Variants in WIPF1 observed in about 807,000 individuals in gnomAD.
WIPF1 encodes the protein WAS/WASL interacting protein family member 1.
A neutral mutation model predicts 35.4 loss-of-function variants in WIPF1; 13 were observed. The observed-to-expected ratio is 0.37, with a 90% confidence interval of 0.24 to 0.58. WIPF1 has a LOEUF of 0.58. Among genes scored for constraint, WIPF1 ranks in the 20% least tolerant of loss-of-function variants. The probability of loss-of-function intolerance (pLI) is 0.74; values close to 1 mark genes in which losing one functional copy is unlikely to be tolerated. For missense variants in WIPF1, 591 were observed against 667.0 expected, an observed-to-expected ratio of 0.89 and a Z score of 1.25; for synonymous variants, 267 against 266.3, an observed-to-expected ratio of 1.00 and a Z score of -0.02.
In WIPF1 at chr2:174,562,261, G is replaced by C; in HGVS notation, c.*286C>G. The C allele has an allele frequency of 6.5e-7, 1 of 1,538,006 alleles. No individual in the cohort carries two copies. The highest frequency in any genetic ancestry group is 8.8e-7 in the Non-Finnish European group (1 of 1,138,918). On this transcript the variant is annotated 3_prime_UTR_variant, in exon 8 of 8. Transcript: ENST00000679041. ...TTGAATTTGGTTGGTGGAAAGCTGG[G>C]ATGCAAGTCATCTCTGCCTATTACG...
rs992378511 is a variant in WIPF1, at chr2:174,571,402, G to T, written c.1129+274C>A. On this transcript the variant is annotated intron_variant, in intron 5 of 7. Coordinates refer to ENST00000679041, the MANE Select transcript of WIPF1 (RefSeq NM_001375834.1). This position sits in a 1 kb window ranked among gnomAD's most constrained non-coding sequence, Gnocchi z 4.6. ...TACACTTCAGAGATGGAAGATGAAA[G>T]TTCTTGCCTCTTCTTTATTAACTAG... 3.1e-5 allele frequency: 19 copies of T among 610,380 alleles called. No homozygotes were observed. Among genetic ancestry groups the T allele is most frequent in the Non-Finnish European group, 3.8e-5 (13 of 344,208 alleles). The allele number at this position is 610,380 out of a possible 1,614,324, so 37.8% of individuals were successfully genotyped here.
rs562836728 is a variant in WIPF1 at position 174,590,128 on chromosome 2, C to T, written c.-38-4517G>A. Among the ~76,000 whole-genome samples, 36 of 152,084 alleles carry T rather than the reference C, an allele frequency of 2.4e-4. No homozygotes were observed. Among genetic ancestry groups the T allele is most frequent in the African/African-American group, 8.4e-4 (35 of 41,472 alleles). Reference sequence around the variant, plus strand: ...AAAAAAAGGAGTCCTTTGGGCTTTACCAGTGGGTTTATAGAATGAAAAAGG... The same window carrying T: ...AAAAAAAGGAGTCCTTTGGGCTTTATCAGTGGGTTTATAGAATGAAAAAGG... On this transcript the variant is annotated intron_variant, in intron 1 of 7. Transcript: ENST00000679041. This position sits in a 1 kb window ranked among gnomAD's most constrained non-coding sequence, Gnocchi z 4.6.
chr2:174,613,989 G>C (rs568743405), intron 1 of WIPF1, among the ~76,000 whole-genome samples: 1 of 152,182 alleles, frequency 6.6e-6, no homozygotes, highest in East Asian at 1.9e-4. Context: ...ATTTAAAAAA[G>C]CTGCACTGAT....
rs1684828795 is a variant in WIPF1, at chr2:174,571,403, T to A, written c.1129+273A>T. The stretch of plus-strand genomic sequence containing the variant: ...ACACTTCAGAGATGGAAGATGAAAG[T>A]TCTTGCCTCTTCTTTATTAACTAGC... On this transcript the variant is annotated intron_variant, in intron 5 of 7. Transcript: ENST00000679041. This position sits in a 1 kb window ranked among gnomAD's most constrained non-coding sequence, Gnocchi z 4.6. 3.3e-6 allele frequency: 2 copies of A among 609,088 alleles called. No individual in the cohort carries two copies. The highest frequency in any genetic ancestry group is 5.8e-6 in the Non-Finnish European group (2 of 343,406). The allele number at this position is 609,088 out of a possible 1,614,324, so 37.7% of individuals were successfully genotyped here.
intron 1 of WIPF1, among the ~76,000 whole-genome samples, chr2:174,618,135 A>C (rs2105910511): frequency 6.6e-6 from 1 of 152,302 alleles, no homozygotes; most frequent in African/African-American, 2.4e-5. Context: ...AAAATCCCAT[A>C]ATTAAAAGAC....
intron 1 of WIPF1, among the ~76,000 whole-genome samples, chr2:174,594,281 T>C (rs901530470): frequency 1.3e-5 from 2 of 152,220 alleles, no homozygotes; most frequent in African/African-American, 4.8e-5. Context: ...AGAAGACATT[T>C]TGAAGCATCT....
intron 1 of WIPF1, chr2:174,629,778 T>A (rs759751676): frequency 3.3e-5 from 5 of 152,256 alleles, no homozygotes; most frequent in Non-Finnish European, 7.3e-5. Flanking sequence ...GAGCAGCCCC[T>A]CTATTGGCCC....
intron 1 of WIPF1, among the ~76,000 whole-genome samples, chr2:174,643,463 A>G (rs1048064987): frequency 1.3e-5 from 2 of 148,968 alleles, no homozygotes; most frequent in East Asian, 3.9e-4. Flanking sequence ...CCTAAGGTGG[A>G]GTGCAGTGGT....
chr2:174,681,800 C>T (rs952053759), intron 1 of WIPF1, among the ~76,000 whole-genome samples: 1 of 152,182 alleles, frequency 6.6e-6, no homozygotes, highest in Non-Finnish European at 1.5e-5. Context: ...TCCCAGAGAA[C>T]TCAATAAGGC....
chr2:174,578,580 AC>A (rs1685137966), intron 3 of WIPF1, among the ~76,000 whole-genome samples: 1 of 152,210 alleles, frequency 6.6e-6, no homozygotes, highest in African/African-American at 2.4e-5. Context: ...TAACTTTATT[AC>A]ACTACTTTAA....
At chr2:174,682,083 C>G (rs569985985) in intron 1 of WIPF1, among the ~76,000 whole-genome samples, 1 of 152,210 alleles carries the variant, frequency 6.6e-6, no homozygotes. Context: ...GGACGCGAGA[C>G]TGAAGTGAAG....
In WIPF1 at chr2:174,561,421, C is replaced by T. The variant is rs1176167771; in HGVS notation, c.*1126G>A. ...AAAGGAACAAAGGCTGCTTCCATTT[C>T]ACAAGGCAGAAGTCCAGCTGACAAG... On this transcript the variant is annotated 3_prime_UTR_variant, in exon 8 of 8. Transcript: ENST00000679041. 6.6e-6 allele frequency: 1 copy of T among 152,248 alleles called. No homozygotes were observed. The highest frequency in any genetic ancestry group is 2.4e-5 in the African/African-American group (1 of 41,440). 9.4% of individuals were successfully genotyped at this position (152,248 alleles called of 1,614,324 possible). A position where few individuals can be genotyped will look rare whatever the true frequency, so the allele number is the denominator to read the frequency against.
intron 1 of WIPF1, chr2:174,630,387 A>G (rs528199497): frequency 1.8e-4 from 27 of 152,324 alleles, no homozygotes; most frequent in African/African-American, 5.5e-4. Flanking sequence ...CCTACTGTGG[A>G]ACTGGTACTG....
chr2:174,679,247 G>A (rs778169160), intron 1 of WIPF1, among the ~76,000 whole-genome samples: 1 of 152,080 alleles, frequency 6.6e-6, no homozygotes, highest in East Asian at 1.9e-4. Flanking sequence ...GAGATAGGCC[G>A]ATCACGAGGT....
At chr2:174,645,712 C>T (rs1687393668) in intron 1 of WIPF1, among the ~76,000 whole-genome samples, 1 of 152,218 alleles carries the variant, frequency 6.6e-6, no homozygotes, top group African/African-American at 2.4e-5. Flanking sequence ...AATTCTCAAG[C>T]CCTTTGACCA....
chr2:174,582,554 A>AT (rs946323472), intron 2 of WIPF1, among the ~76,000 whole-genome samples: 7 of 151,712 alleles, frequency 4.6e-5, no homozygotes, highest in Admixed American at 2.6e-4. Flanking sequence ...TTAAAAAACA[A>AT]TTTTTTTTTA....
Position 174,575,245 on chromosome 2 carries a change from G to T in WIPF1, c.317C>A (p.Ala106Asp). The change falls in exon 4 of 8, where the codon GCT becomes GAT. Residue 106 changes from alanine (A) to aspartate (D), a missense_variant. This residue lies in a region of WIPF1 where 471 missense variants were observed against 501.1 expected (regional missense o/e 0.94). Coordinates refer to ENST00000679041, the MANE Select transcript of WIPF1 (RefSeq NM_001375834.1). ...CGTGGATCTCAGCTTCGGCATTCCA[G>T]CCTGGAACAATCCTCCCAGACCTGG... The part of the protein sequence containing the change: ...GPPGLGGLFQ[A>D]GMPKLRSTAN... 1 of 1,613,756 alleles carries T rather than the reference G, an allele frequency of 6.2e-7. No homozygotes were observed. Among genetic ancestry groups the T allele is most frequent in the Non-Finnish European group, 8.5e-7 (1 of 1,179,788 alleles).
chr2:174,591,673 T>TAA (rs1553529231), intron 1 of WIPF1, among the ~76,000 whole-genome samples: 1 of 146,724 alleles, frequency 6.8e-6, no homozygotes. Flanking sequence ...CTTTGTTGCT[T>TAA]ACACACACAC....
At chr2:174,623,146 C>T (rs1347088077) in intron 1 of WIPF1, among the ~76,000 whole-genome samples, 1 of 151,958 alleles carries the variant, frequency 6.6e-6, no homozygotes, top group East Asian at 1.9e-4. Flanking sequence ...TACATATAAA[C>T]AATATTAAAA....
Sources: allele counts gnomAD v4.1 joint callset (sites outside exome capture counted in the v4.1 genomes callset), GRCh38; gene constraint gnomAD v4.1.1; regional missense constraint gnomAD v4.1.1; non-coding constraint Gnocchi (gnomAD v3.1); transcripts MANE v1.5; gene names NCBI Gene and HGNC (gene_info 2026-07-23, HGNC 2026-07-21).